Variants in NMNAT3 observed in about 807,000 individuals in gnomAD.
The protein encoded by NMNAT3 is nicotinamide nucleotide adenylyltransferase 3, also known as nicotinamide/nicotinic acid mononucleotide adenylyltransferase 3.
NMNAT3 carries 21 observed loss-of-function variants against 24.8 expected under a neutral mutation model. The ratio of observed to expected loss-of-function variants is 0.85; its 90% CI spans 0.60 to 1.22. The LOEUF is 1.22. Among genes scored for constraint, NMNAT3 ranks in the 50% most tolerant of loss-of-function variants. The probability of loss-of-function intolerance (pLI) is 0.00; values close to 1 mark genes in which losing one functional copy is unlikely to be tolerated. For synonymous variants in NMNAT3, 136 were observed against 155.2 expected (o/e 0.88, Z 0.92); for missense variants, 387 against 436.6 (o/e 0.89, Z 1.01).
At chr3:139,612,860 C>T (rs2055294615) in intron 3 of NMNAT3, among the ~76,000 whole-genome samples, 1 of 152,072 alleles carries the variant, frequency 6.6e-6, no homozygotes, top group Non-Finnish European at 1.5e-5. Context: ...CTTTGACAAA[C>T]CTGACAAAAA....
At chr3:139,667,439 T>A (rs969766276) in intron 1 of NMNAT3, among the ~76,000 whole-genome samples, 26 of 152,236 alleles carry the variant, frequency 1.7e-4, no homozygotes, top group African/African-American at 5.5e-4. Flanking sequence ...TTTGCACATT[T>A]AAAAAAATCA....
chr3:139,641,006 C>T (rs953313998), intron 1 of NMNAT3, among the ~76,000 whole-genome samples: 60 of 152,108 alleles, frequency 3.9e-4, no homozygotes, highest in Admixed American at 9.8e-4. Context: ...TAGGCCAGAA[C>T]GGTAGGCAGT....
chr3:139,634,716 C>T (rs145982398), intron 2 of NMNAT3, 69 bp from the exon 3 acceptor site: 2 of 152,232 alleles, frequency 1.3e-5, no homozygotes, highest in East Asian at 1.9e-4. Flanking sequence ...AGCAGGCAGC[C>T]CACTCTTTAG....
intron 3 of NMNAT3, among the ~76,000 whole-genome samples, chr3:139,587,757 A>G (rs111409173): frequency 2.6e-5 from 4 of 152,212 alleles, no homozygotes; most frequent in African/African-American, 9.6e-5. Flanking sequence ...TATACATGGG[A>G]CATACATGCT....
intron 1 of NMNAT3, among the ~76,000 whole-genome samples, chr3:139,651,278 T>C (rs1378656802): frequency 6.6e-6 from 1 of 152,206 alleles, no homozygotes; most frequent in Non-Finnish European, 1.5e-5. Flanking sequence ...ATGGCTTCCA[T>C]TATATGATTT....
intron 1 of NMNAT3, among the ~76,000 whole-genome samples, chr3:139,661,202 GA>G (rs2057405293): frequency 6.6e-6 from 1 of 152,140 alleles, no homozygotes; most frequent in Non-Finnish European, 1.5e-5. Context: ...GCAACGGGGC[GA>G]ACTCAGAATC....
intron 6 of NMNAT3, among the ~76,000 whole-genome samples, chr3:139,563,156 A>G (rs915781415): frequency 6.6e-6 from 1 of 152,240 alleles, no homozygotes; most frequent in Admixed American, 6.5e-5. Flanking sequence ...ATAAAACAGC[A>G]TTTAACAATT....
rs117718432 is a variant in NMNAT3, at chr3:139,659,789, C to T, written c.-141+17916G>A. Among the ~76,000 whole-genome samples, 6 of 152,318 alleles carry T rather than the reference C, an allele frequency of 3.9e-5. No homozygotes were observed. In the East Asian group the frequency reaches 9.6e-4, roughly 24 times the overall value. On this transcript the variant is annotated intron_variant, in intron 1 of 6. Coordinates refer to ENST00000643695, the MANE Select transcript of NMNAT3 (RefSeq NM_001320510.2). ...AATTGGTCAAAGTACATCCAGTCAT[C>T]GATAGTCTTTAAAACTCCCCAGGTG...
intron 4 of NMNAT3, among the ~76,000 whole-genome samples, chr3:139,581,919 G>T (rs2108110921): frequency 6.6e-6 from 1 of 152,080 alleles, no homozygotes; most frequent in Admixed American, 6.5e-5. Flanking sequence ...GGCAGGCTGG[G>T]TGCGGTGGCT....
chr3:139,601,417 A>C (rs1386529179), intron 3 of NMNAT3, among the ~76,000 whole-genome samples: 2 of 152,180 alleles, frequency 1.3e-5, no homozygotes, highest in Non-Finnish European at 2.9e-5. Flanking sequence ...AATACCACAC[A>C]CTTCGGAGGC....
At chr3:139,611,945 A>T (rs1576643146) in intron 3 of NMNAT3, among the ~76,000 whole-genome samples, 1 of 152,198 alleles carries the variant, frequency 6.6e-6, no homozygotes, top group African/African-American at 2.4e-5. Flanking sequence ...AGGCGGGCGG[A>T]TCACCGGAGG....
intron 3 of NMNAT3, among the ~76,000 whole-genome samples, chr3:139,592,785 T>C (rs1016588232): frequency 8.5e-5 from 13 of 152,066 alleles, no homozygotes; most frequent in Non-Finnish European, 1.0e-4. Context: ...ATTTTGTCAC[T>C]ACCAGGCCTG....
intron 1 of NMNAT3, among the ~76,000 whole-genome samples, chr3:139,644,474 G>T (rs1055423395): frequency 1.3e-5 from 2 of 152,132 alleles, no homozygotes; most frequent in Non-Finnish European, 2.9e-5. Context: ...ACTCTAAGAA[G>T]TTCTTTGAGG....
chr3:139,566,058 C>G (rs1937140777), intron 6 of NMNAT3: 1 of 152,140 alleles, frequency 6.6e-6, no homozygotes, highest in Admixed American at 6.5e-5. Flanking sequence ...GCCATTCTAA[C>G]TGGTGTGAGA....
At chr3:139,561,749 G>C (rs1936431638) in intron 6 of NMNAT3, among the ~76,000 whole-genome samples, 1 of 152,176 alleles carries the variant, frequency 6.6e-6, no homozygotes, top group South Asian at 2.1e-4. Context: ...CTGATAGAAG[G>C]TAAGGTTCTG....
chr3:139,639,238 A>C (rs1053501685), intron 1 of NMNAT3, among the ~76,000 whole-genome samples: 10 of 152,192 alleles, frequency 6.6e-5, no homozygotes, highest in Non-Finnish European at 1.5e-4. Context: ...GGTCTTGCTC[A>C]GAGTAGGTGT....
intron 6 of NMNAT3, chr3:139,568,526 A>C (rs866614363): frequency 1.4e-4 from 21 of 152,208 alleles, no homozygotes; most frequent in Middle Eastern, 3.4e-3. Flanking sequence ...TGTCCCAGAG[A>C]TTCTGGTATG....
chr3:139,619,880 CTAAGAGA>C (rs929089189), intron 3 of NMNAT3, among the ~76,000 whole-genome samples: 23 of 152,254 alleles, frequency 1.5e-4, no homozygotes, highest in African/African-American at 5.5e-4. Flanking sequence ...AAATTTTTTC[CTAAGAGA>C]TAAGGACACA....
At chr3:139,675,131 A>AACACAC (rs1397817305) in intron 1 of NMNAT3, among the ~76,000 whole-genome samples, 1 of 25,098 alleles carries the variant, frequency 4.0e-5, no homozygotes, top group South Asian at 1.5e-3. Context: ...ATTCCTTTTA[A>AACACAC]ACATACACAC....
Sources: gnomAD v4.1 joint callset for allele counts (sites outside exome capture counted in the v4.1 genomes callset) on GRCh38, gnomAD v4.1.1 for gene constraint, MANE v1.5 for transcripts, NCBI Gene and HGNC (gene_info 2026-07-23, HGNC 2026-07-21) for gene names.